ERBIN: variants seen among roughly 807,000 people sequenced by gnomAD.
The protein encoded by ERBIN is erbb2 interacting protein, also known as densin-180-like protein.
Under a neutral mutation model 158.4 loss-of-function variants are expected in ERBIN, and 60 were observed. The ratio of observed to expected loss-of-function variants is 0.38; its 90% CI spans 0.31 to 0.47. The LOEUF is 0.47. Among genes scored for constraint, ERBIN ranks in the 20% least tolerant of loss-of-function variants. The probability of loss-of-function intolerance (pLI) is 0.99; values close to 1 mark genes in which losing one functional copy is unlikely to be tolerated. For missense variants in ERBIN, 1,610 were observed against 1,648.0 expected (o/e 0.98, Z 0.40); for synonymous variants, 594 against 557.2 (o/e 1.07, Z -0.93).
At position 65,992,770 on chromosome 5, in the gene ERBIN, C is replaced by A. The variant is rs1202543858; in HGVS notation, c.52C>A (p.Arg18=). The A allele has an allele frequency of 6.2e-7, 1 of 1,613,272 alleles. No individual in the cohort carries two copies. Among genetic ancestry groups the A allele is most frequent in the African/African-American group, 1.3e-5 (1 of 74,880 alleles). The change falls in exon 3 of 26, where the codon CGA becomes AGA. Residue 18 remains arginine (R), a synonymous_variant. Transcript: ENST00000284037. ...GCGGTTGGTACCATGTCGCTGTCTA[C>A]GAGGGGAAGAGGAGACTGTCACTAC... The part of the protein sequence containing the change: ...FVRLVPCRCL[R]GEEETVTTLD...
At chr5:65,986,512 A>T (rs16894674) in intron 1 of ERBIN, among the ~76,000 whole-genome samples, 1,809 of 152,318 alleles carry the variant, frequency 0.012, 39 homozygotes, top group African/African-American at 0.042. Flanking sequence ...TTAGTCCTAT[A>T]CCATTTGGCA....
rs527588507 is a variant in ERBIN at position 66,051,085 on chromosome 5, G to C, written c.2087+119G>C. The C allele has an allele frequency of 4.6e-5, 27 of 586,748 alleles. No homozygotes were observed. In the South Asian group the frequency reaches 8.0e-4, roughly 17 times the overall value. 36.3% of individuals were successfully genotyped at this position (586,748 alleles called of 1,614,324 possible). On this transcript the variant is annotated intron_variant, in intron 20 of 25. Coordinates refer to ENST00000284037, the MANE Select transcript of ERBIN (RefSeq NM_001253697.2). ...ATTATAGAAGTGGTTCCAGTAATAT[G>C]TTTTATTTCCCCATTTTTATTGCTG... is the stretch of plus-strand genomic sequence containing the variant.
intron 21 of ERBIN, among the ~76,000 whole-genome samples, chr5:66,067,109 C>T (rs890990689): frequency 2.0e-5 from 3 of 151,866 alleles, no homozygotes; most frequent in Admixed American, 2.0e-4. Context: ...TTTTTTATTC[C>T]AGTCAAATGT....
chr5:66,051,001 C>G, intron 20 of ERBIN, 35 bp downstream of exon 20: 3 of 1,368,828 alleles, frequency 2.2e-6, no homozygotes, highest in Non-Finnish European at 3.0e-6. Context: ...TTTATTTATA[C>G]AATAAATAGA....
At chr5:65,976,689 G>T (rs1182144940) in intron 1 of ERBIN, among the ~76,000 whole-genome samples, 3 of 151,290 alleles carry the variant, frequency 2.0e-5, no homozygotes, top group African/African-American at 7.3e-5. Context: ...GTGTCCCTGG[G>T]TACTTGAGAT....
At chr5:65,987,104 C>A (rs1207925719) in intron 1 of ERBIN, among the ~76,000 whole-genome samples, 1 of 152,108 alleles carries the variant, frequency 6.6e-6, no homozygotes. Flanking sequence ...CCAGAATTAA[C>A]CGGCACTTCA....
chr5:66,034,433 G>A (rs771744307), intron 14 of ERBIN, among the ~76,000 whole-genome samples: 18 of 151,824 alleles, frequency 1.2e-4, no homozygotes, highest in African/African-American at 1.9e-4. Context: ...GGGACTAAAG[G>A]CACTTATCAC....
rs146091474 is a variant in ERBIN at position 66,063,538 on chromosome 5, C to T, written c.3633+8587C>T. On this transcript the variant is annotated intron_variant, in intron 21 of 25. Transcript: ENST00000284037. ...TTCGGCTCAGGCATGGTGTGCTGCA[C>T]CCACTGTTCTGCACCCACTGTCCGG... is the stretch of plus-strand genomic sequence containing the variant. Among the ~76,000 whole-genome samples the T allele has an allele frequency of 6.2e-3, 949 of 152,168 alleles. 12 individuals carry two copies. The highest frequency in any genetic ancestry group is 0.022 in the African/African-American group (904 of 41,512).
intron 19 of ERBIN, 95 bp downstream of exon 19, chr5:66,048,876 A>G (rs1394578306): frequency 2.8e-6 from 2 of 715,190 alleles, no homozygotes; most frequent in Admixed American, 3.7e-5. Flanking sequence ...ATGTTATTTG[A>G]TACATTTTAG....
At chr5:66,047,406 G>A (rs1758553217) in intron 18 of ERBIN, among the ~76,000 whole-genome samples, 1 of 151,674 alleles carries the variant, frequency 6.6e-6, no homozygotes, top group Admixed American at 6.6e-5. Flanking sequence ...CCACTTTTTG[G>A]CTGTAATGAA....
chr5:65,959,685 C>T (rs148916232), intron 1 of ERBIN, among the ~76,000 whole-genome samples: 122 of 152,298 alleles, frequency 8.0e-4, no homozygotes, highest in African/African-American at 2.6e-3. Flanking sequence ...TCGTATGACA[C>T]TTATGACTGT....
At chr5:66,077,796 ACACACACACACACAGTCACACT>A (rs1300589254) in intron 25 of ERBIN, among the ~76,000 whole-genome samples, 2,592 of 123,330 alleles carry the variant, frequency 0.021, 73 homozygotes, top group African/African-American at 0.089. Context: ...ACACACACAT[ACACACACACACACAGTCACACT>A]CACTCATACA....
chr5:66,009,455 G>A (rs1053182412), intron 4 of ERBIN, among the ~76,000 whole-genome samples: 1 of 152,210 alleles, frequency 6.6e-6, no homozygotes, highest in African/African-American at 2.4e-5. Flanking sequence ...TGTACTTAAA[G>A]TGGAGAATTG....
In ERBIN at chr5:66,075,175, C is replaced by T. The variant is rs776214286; in HGVS notation, c.3908C>T (p.Pro1303Leu). Residue 1303 changes from proline to leucine, a missense_variant, in exon 23 of 26, where the codon CCA becomes CTA. Pro to Leu is a moderately conservative substitution (Grantham distance 98). Transcript: ENST00000284037. ...ATGCTGAAAGTGGCCCACCAGCCTC[C>T]ATATACACAGCCCCATTGTTCTCCT... ...YLMLKVAHQPPYTQPHCSPRQ... is the reference protein window; with the variant it reads ...YLMLKVAHQPLYTQPHCSPRQ... The T allele has an allele frequency of 6.2e-6, 10 of 1,614,006 alleles. No individual in the cohort carries two copies. The African/African-American group carries it at 1.3e-4, about 22-fold the overall frequency.
intron 1 of ERBIN, among the ~76,000 whole-genome samples, chr5:65,932,517 A>G (rs1743568736): frequency 6.6e-6 from 1 of 152,172 alleles, no homozygotes; most frequent in Non-Finnish European, 1.5e-5. Context: ...TTATAAACAC[A>G]GTTTTGACCT....
intron 17 of ERBIN, among the ~76,000 whole-genome samples, chr5:66,045,735 C>T (rs926150251): frequency 1.1e-4 from 17 of 152,156 alleles, no homozygotes; most frequent in Admixed American, 5.2e-4. Context: ...AGTGTATTGT[C>T]AGCATAGCCT....
At chr5:66,004,555 T>C (rs912601655) in intron 4 of ERBIN, among the ~76,000 whole-genome samples, 3 of 152,140 alleles carry the variant, frequency 2.0e-5, no homozygotes, top group Non-Finnish European at 1.5e-5. Context: ...CAGGCCACCA[T>C]ATCTGGCTAA....
Position 66,021,355 on chromosome 5 carries a change from G to A in ERBIN, c.567G>A (p.Leu189=). 4 of 1,604,106 alleles carry A rather than the reference G, an allele frequency of 2.5e-6. No individual in the cohort carries two copies. The highest frequency in any genetic ancestry group is 3.4e-6 in the Non-Finnish European group (4 of 1,173,404). The change falls in exon 8 of 26, where the codon CTG becomes CTA. Residue 189 remains leucine (L), a synonymous_variant. Coordinates refer to ENST00000284037, the MANE Select transcript of ERBIN (RefSeq NM_001253697.2). The part of the protein sequence containing the change: ...TMNRLTQLER[L]DLGSNEFTEV... Reference sequence around the variant, plus strand: ...ATAGACTGACCCAGCTGGAAAGACTGGATTTGGGAAGTAACGAATTCACGG... The same window carrying A: ...ATAGACTGACCCAGCTGGAAAGACTAGATTTGGGAAGTAACGAATTCACGG...
chr5:65,931,770 A>G (rs150528683), intron 1 of ERBIN, among the ~76,000 whole-genome samples: 1 of 150,564 alleles, frequency 6.6e-6, no homozygotes, highest in Non-Finnish European at 1.5e-5. Context: ...ATCCAGCCTT[A>G]TACAGGTATT....
Sources: allele counts gnomAD v4.1 joint callset (sites outside exome capture counted in the v4.1 genomes callset), GRCh38; gene constraint gnomAD v4.1.1; transcripts MANE v1.5; gene names NCBI Gene and HGNC (gene_info 2026-07-23, HGNC 2026-07-21).